Variants in KANK1 observed in about 807,000 individuals in gnomAD.
KANK1 encodes KN motif and ankyrin repeat domain-containing protein 1.
In KANK1, 109 loss-of-function variants were observed where a neutral mutation model predicts 106.2. That is an observed-to-expected ratio of 1.03 (90% confidence interval 0.88 to 1.20). The LOEUF (loss-of-function observed/expected upper bound fraction) is 1.20. Among genes scored for constraint, KANK1 ranks in the 50% most tolerant of loss-of-function variants. The probability of loss-of-function intolerance (pLI) is 0.00; values close to 1 mark genes in which losing one functional copy is unlikely to be tolerated. For missense variants in KANK1, 2,399 were observed against 1,710.7 expected (o/e 1.40, Z -7.10); for synonymous variants, 873 against 652.2 (o/e 1.34, Z -5.16).
intron 1 of KANK1, among the ~76,000 whole-genome samples, chr9:580,721 G>C (rs188156678): frequency 6.6e-6 from 1 of 152,256 alleles, no homozygotes; most frequent in African/African-American, 2.4e-5. Flanking sequence ...AGTGGATCCC[G>C]CACTGGGGCC....
At chr9:550,320 A>C (rs1320702305) in intron 1 of KANK1, among the ~76,000 whole-genome samples, 1 of 152,188 alleles carries the variant, frequency 6.6e-6, no homozygotes, top group African/African-American at 2.4e-5. Flanking sequence ...ATTACCAAAA[A>C]AACCTCCTTC....
At chr9:622,300 T>C (rs547806890) in intron 1 of KANK1, among the ~76,000 whole-genome samples, 2 of 152,282 alleles carry the variant, frequency 1.3e-5, no homozygotes, top group East Asian at 3.9e-4. Context: ...GCGCTGTGTG[T>C]TGGGGCACTG....
At chr9:625,786 C>T (rs114218558) in intron 1 of KANK1, among the ~76,000 whole-genome samples, 1 of 152,146 alleles carries the variant, frequency 6.6e-6, no homozygotes, top group African/African-American at 2.4e-5. Context: ...AAAAGCTGAG[C>T]CCCTGAGTTT....
chr9:741,679 A>G (rs893969693), intron 9 of KANK1, among the ~76,000 whole-genome samples: 40 of 151,932 alleles, frequency 2.6e-4, no homozygotes, highest in Non-Finnish European at 4.0e-4. Flanking sequence ...AGTAGAGACA[A>G]GGTTTCACCG....
chr9:620,374 T>G (rs1832859323), intron 1 of KANK1, among the ~76,000 whole-genome samples: 1 of 152,146 alleles, frequency 6.6e-6, no homozygotes, highest in Admixed American at 6.5e-5. Context: ...ACGTAATTCT[T>G]TGCGAGAAAA....
At chr9:550,301 AG>A (rs1563753990) in intron 1 of KANK1, among the ~76,000 whole-genome samples, 1 of 152,128 alleles carries the variant, frequency 6.6e-6, no homozygotes, top group East Asian at 1.9e-4. Context: ...AAGCCGTTAT[AG>A]GGTGTTTATT....
At chr9:535,339 C>T (rs34181118) in intron 1 of KANK1, among the ~76,000 whole-genome samples, 270 of 152,242 alleles carry the variant, frequency 1.8e-3, no homozygotes, top group Middle Eastern at 6.8e-3. Context: ...CTACGTCTTC[C>T]CTGGGAGAAG....
chr9:702,178 C>T (rs1241738185), intron 2 of KANK1, among the ~76,000 whole-genome samples: 2 of 151,834 alleles, frequency 1.3e-5, no homozygotes, highest in East Asian at 1.9e-4. Flanking sequence ...TAGTTGGGAG[C>T]GAGAGGGAGG....
chr9:706,928 G>C, intron 2 of KANK1: 1 of 985,444 alleles, frequency 1.0e-6, no homozygotes, highest in Non-Finnish European at 1.2e-6. Flanking sequence ...TAAAGTGCTA[G>C]CTTTATTTAA....
chr9:626,635 A>T (rs139578980), intron 1 of KANK1, among the ~76,000 whole-genome samples: 19 of 152,336 alleles, frequency 1.2e-4, no homozygotes, highest in Non-Finnish European at 2.5e-4. Context: ...CCCCAGCCCT[A>T]TTTGGCCTCA....
chr9:655,585 T>G (rs1407450390), intron 1 of KANK1, among the ~76,000 whole-genome samples: 1 of 152,154 alleles, frequency 6.6e-6, no homozygotes, highest in Non-Finnish European at 1.5e-5. Flanking sequence ...AATGCTGCTT[T>G]TTTAAATCAA....
chr9:683,864 G>A (rs183828487), intron 2 of KANK1, among the ~76,000 whole-genome samples: 3 of 152,306 alleles, frequency 2.0e-5, no homozygotes, highest in Admixed American at 2.0e-4. Flanking sequence ...AACTGTAGCT[G>A]TTAGTCTTTT....
chr9:665,222 TAAAC>T (rs1451693448), intron 1 of KANK1, among the ~76,000 whole-genome samples: 1 of 152,204 alleles, frequency 6.6e-6, no homozygotes, highest in Non-Finnish European at 1.5e-5. Context: ...TTTGAGAACT[TAAAC>T]AAAAAATTTT....
chr9:568,088 C>G (rs973024850), intron 1 of KANK1, among the ~76,000 whole-genome samples: 1 of 151,890 alleles, frequency 6.6e-6, no homozygotes, highest in Non-Finnish European at 1.5e-5. Flanking sequence ...TGACTAAATT[C>G]ACAGATGAGT....
At chr9:744,453 A>T in intron 10 of KANK1, 38 bp from the exon 11 acceptor site, 2 of 1,590,420 alleles carry the variant, frequency 1.3e-6, no homozygotes, top group Non-Finnish European at 1.7e-6. Flanking sequence ...GAGGTTTGAG[A>T]AACCCAACAT....
rs144980105 is a variant in KANK1, at chr9:566,913, C to T, written c.-84+62159C>T. Among the ~76,000 whole-genome samples, 177 of 152,236 alleles carry T rather than the reference C, an allele frequency of 1.2e-3. 1 individual carries two copies. The highest frequency in any genetic ancestry group is 0.01 in the Middle Eastern group (3 of 294). On this transcript the variant is annotated intron_variant, in intron 1 of 11. Transcript: ENST00000382297. ...GGAATTCCTTTTGACATTCTCGTCA[C>T]GAAATCTTTGCCCATTCCTATGTCC... is the stretch of plus-strand genomic sequence containing the variant.
intron 1 of KANK1, among the ~76,000 whole-genome samples, chr9:578,435 C>T (rs1563800610): frequency 6.6e-6 from 1 of 151,502 alleles, no homozygotes; most frequent in Non-Finnish European, 1.5e-5. Context: ...TTAAATGTTT[C>T]ATTTCTTATT....
chr9:532,237 CTTTTTTTTTTT>C (rs34351693), intron 1 of KANK1, among the ~76,000 whole-genome samples: 8 of 107,768 alleles, frequency 7.4e-5, no homozygotes, highest in African/African-American at 2.8e-4. Context: ...GAGCATTTGT[CTTTTTTTTTTT>C]TTTTTTTTTT....
In KANK1 at chr9:536,596, C is replaced by T. The variant is rs576243457; in HGVS notation, c.-84+31842C>T. ...TTTACGCCTGACATTTCTTCTGGCTCCTCTTATGTGATCCCATCTTTCTGT... is the reference window on the plus strand; with the variant it reads ...TTTACGCCTGACATTTCTTCTGGCTTCTCTTATGTGATCCCATCTTTCTGT... On this transcript the variant is annotated intron_variant, in intron 1 of 11. Transcript: ENST00000382297. 8.5e-5 allele frequency among the ~76,000 whole-genome samples: 13 copies of T among 152,288 alleles called. No homozygotes were observed. The South Asian group carries it at 2.1e-3, about 24-fold the overall frequency.
Sources: gnomAD v4.1 joint callset for allele counts (sites outside exome capture counted in the v4.1 genomes callset) on GRCh38, gnomAD v4.1.1 for gene constraint, MANE v1.5 for transcripts, NCBI Gene and HGNC (gene_info 2026-07-23, HGNC 2026-07-21) for gene names.